Variants in PTPN11 observed in about 807,000 individuals in gnomAD.
PTPN11 encodes the protein protein tyrosine phosphatase non-receptor type 11, also known as tyrosine-protein phosphatase non-receptor type 11.
In PTPN11, 6 loss-of-function variants were observed where a neutral mutation model predicts 78.8. That is an observed-to-expected ratio of 0.08 (90% confidence interval 0.04 to 0.15). The LOEUF is 0.15. Ranked by LOEUF, PTPN11 falls within the 10% of genes least tolerant of loss-of-function variation. PTPN11 has a pLI of 1.00. For synonymous variants in PTPN11, 221 were observed against 263.5 expected (o/e 0.84, Z 1.56); for missense variants, 386 against 744.8 (o/e 0.52, Z 5.61).
intron 5 of PTPN11, chr12:112,454,925 T>C: frequency 2.0e-6 from 1 of 510,310 alleles, no homozygotes; most frequent in Non-Finnish European, 3.6e-6. Flanking sequence ...GTTCAAGCGA[T>C]TCTCCTGCCT....
At chr12:112,455,115 C>T (rs915864589) in intron 5 of PTPN11, among the ~76,000 whole-genome samples, 12 of 151,960 alleles carry the variant, frequency 7.9e-5, no homozygotes, top group Admixed American at 2.0e-4. Context: ...CTACCACGCC[C>T]GGCCCTAAAT....
chr12:112,499,817 C>G (rs1166756931), intron 13 of PTPN11, among the ~76,000 whole-genome samples: 1 of 151,624 alleles, frequency 6.6e-6, no homozygotes, highest in Non-Finnish European at 1.5e-5. Context: ...CTGAGTGTGG[C>G]ATGTTCCTGT....
At chr12:112,430,294 G>A (rs867789310) in intron 1 of PTPN11, among the ~76,000 whole-genome samples, 7 of 152,182 alleles carry the variant, frequency 4.6e-5, no homozygotes, top group Non-Finnish European at 1.0e-4. Context: ...GAGCCACAGC[G>A]CCTGGCCATA....
chr12:112,470,688 G>A (rs2038401169), intron 6 of PTPN11, among the ~76,000 whole-genome samples: 1 of 152,106 alleles, frequency 6.6e-6, no homozygotes, highest in African/African-American at 2.4e-5. Context: ...AGTTGGGTTC[G>A]TAAATGAAGG....
intron 8 of PTPN11, 43 bp downstream of exon 8, chr12:112,477,773 A>G (rs1258078516): frequency 1.2e-6 from 2 of 1,604,734 alleles, no homozygotes; most frequent in Admixed American, 1.7e-5. Context: ...ATACATTTCT[A>G]GCCTATTTTT....
intron 11 of PTPN11, among the ~76,000 whole-genome samples, chr12:112,488,090 C>A (rs2038702648): frequency 6.6e-6 from 1 of 152,046 alleles, no homozygotes; most frequent in Non-Finnish European, 1.5e-5. Context: ...GGCCCTCTTT[C>A]AGTAATTTTG....
intron 5 of PTPN11, 72 bp from the exon 6 acceptor site, chr12:112,455,871 GTTTTTTT>G: frequency 1.5e-6 from 1 of 681,596 alleles, no homozygotes; most frequent in Non-Finnish European, 2.5e-6. Context: ...ACATAGACAT[GTTTTTTT>G]TTTTTTTTTT....
At chr12:112,501,930 T>C (rs1473776892) in intron 13 of PTPN11, among the ~76,000 whole-genome samples, 1 of 152,236 alleles carries the variant, frequency 6.6e-6, no homozygotes, top group Non-Finnish European at 1.5e-5. Flanking sequence ...TTTCAAATTC[T>C]GTGGTTCAAA....
intron 4 of PTPN11, 151 bp from the exon 5 acceptor site, chr12:112,454,413 C>A: frequency 1.4e-6 from 1 of 716,278 alleles, no homozygotes; most frequent in Non-Finnish European, 2.5e-6. Flanking sequence ...AGCCACTGCA[C>A]CCAGCCTATT....
At chr12:112,488,901 T>C (rs1566186703) in intron 12 of PTPN11, 123 bp from the exon 13 acceptor site, 15 of 1,353,616 alleles carry the variant, frequency 1.1e-5, no homozygotes, top group Non-Finnish European at 1.0e-5. Flanking sequence ...CATTGCAACA[T>C]GCTCAGTTAA....
intron 6 of PTPN11, among the ~76,000 whole-genome samples, chr12:112,465,107 G>A (rs1222777752): frequency 6.6e-6 from 1 of 152,142 alleles, no homozygotes; most frequent in African/African-American, 2.4e-5. Flanking sequence ...CCTGTGCATT[G>A]TGGCGAGGTG....
rs766205831 is a variant in PTPN11, at chr12:112,450,339, C to T, written c.159C>T (p.His53=). The change falls in exon 3 of 16, where the codon CAC becomes CAT. Residue 53 remains histidine (H), a synonymous_variant. Coordinates refer to ENST00000351677, the MANE Select transcript of PTPN11 (RefSeq NM_002834.5). ...TTAGAAGAAATGGAGCTGTCACCCA[C>T]ATCAAGATTCAGAACACTGGTGATT... The part of the protein sequence containing the change: ...LSVRRNGAVT[H]IKIQNTGDYY... 4 of 1,612,166 alleles carry T rather than the reference C, an allele frequency of 2.5e-6. No homozygotes were observed. In the South Asian group the frequency reaches 4.4e-5, roughly 18 times the overall value.
intron 4 of PTPN11, among the ~76,000 whole-genome samples, chr12:112,453,612 G>A (rs1237335192): frequency 6.6e-6 from 1 of 151,282 alleles, no homozygotes; most frequent in Non-Finnish European, 1.5e-5. Flanking sequence ...GCTGGAAGAG[G>A]ACAAACACCA....
Position 112,453,177 on chromosome 12 carries a change from A to T in PTPN11, c.333-18A>T, listed in dbSNP as rs2038101840. On this transcript the variant is annotated intron_variant, in intron 3 of 15. Coordinates refer to ENST00000351677, the MANE Select transcript of PTPN11 (RefSeq NM_002834.5). ...CCATAGTAGAGCTAAATTCTTTTTT[A>T]TTTTTTAAAAACTTTAGGTGGTTTC... 1 of 1,605,862 alleles carries T rather than the reference A, an allele frequency of 6.2e-7. No individual in the cohort carries two copies. The highest frequency in any genetic ancestry group is 1.3e-5 in the African/African-American group (1 of 74,738).
chr12:112,481,971 G>T, intron 9 of PTPN11, 103 bp from the exon 10 acceptor site: 2 of 1,271,168 alleles, frequency 1.6e-6, no homozygotes, highest in Non-Finnish European at 2.3e-6. Flanking sequence ...CATTTTCCAT[G>T]TTGGTGGTTA....
intron 7 of PTPN11, among the ~76,000 whole-genome samples, chr12:112,473,857 A>G (rs1230212705): frequency 2.0e-5 from 3 of 151,814 alleles, no homozygotes; most frequent in African/African-American, 7.3e-5. Context: ...AAAAAAAAAA[A>G]GGAAGACTTT....
Position 112,418,955 on chromosome 12 carries a change from G to A in PTPN11, c.-157G>A. 1 of 869,806 alleles carries A rather than the reference G, an allele frequency of 1.1e-6. No individual in the cohort carries two copies. Among genetic ancestry groups the A allele is most frequent in the East Asian group, 3.0e-5 (1 of 33,212 alleles). 53.9% of individuals were successfully genotyped at this position (869,806 alleles called of 1,614,324 possible). ...CCGGGGGGCAGCTGCACAGTCTCCG[G>A]GATCCCCAGGCCTGGAGGGGGGTCT... On this transcript the variant is annotated 5_prime_UTR_variant, in exon 1 of 16. Coordinates refer to ENST00000351677, the MANE Select transcript of PTPN11 (RefSeq NM_002834.5).
intron 2 of PTPN11, among the ~76,000 whole-genome samples, chr12:112,447,192 A>G (rs57213771): frequency 0.014 from 2,144 of 152,138 alleles, 61 homozygotes; most frequent in African/African-American, 0.05. Context: ...TAATAAGAAA[A>G]ATACTTGTTA....
chr12:112,446,269 T>G lies in PTPN11; in HGVS notation c.15-7T>G. ...TTTTTATTACTTACTTTGTCTTTCTTTTTAAGATGGTTTCACCCAAATATC... is the reference window on the plus strand; with the variant it reads ...TTTTTATTACTTACTTTGTCTTTCTGTTTAAGATGGTTTCACCCAAATATC... On this transcript the variant is annotated splice_region_variant and splice_polypyrimidine_tract_variant and intron_variant, in intron 1 of 15. Coordinates refer to ENST00000351677, the MANE Select transcript of PTPN11 (RefSeq NM_002834.5). 1 of 1,613,994 alleles carries G rather than the reference T, an allele frequency of 6.2e-7. No individual in the cohort carries two copies. The highest frequency in any genetic ancestry group is 2.2e-5 in the East Asian group (1 of 44,886).
Sources: allele counts gnomAD v4.1 joint callset (sites outside exome capture counted in the v4.1 genomes callset), GRCh38; gene constraint gnomAD v4.1.1; transcripts MANE v1.5; gene names NCBI Gene and HGNC (gene_info 2026-07-23, HGNC 2026-07-21).